FARP1: variants seen among roughly 807,000 people sequenced by gnomAD.
FARP1 encodes FERM, ARH/RhoGEF and pleckstrin domain protein 1.
FARP1 carries 52 observed loss-of-function variants against 128.8 expected under a neutral mutation model. The ratio of observed to expected loss-of-function variants is 0.40; its 90% CI spans 0.32 to 0.51. The LOEUF is 0.51. Among genes scored for constraint, FARP1 ranks in the 20% least tolerant of loss-of-function variants. FARP1 has a pLI of 0.45. For missense variants in FARP1, 1,333 were observed against 1,367.9 expected (o/e 0.97, Z 0.40); for synonymous variants, 580 against 551.8 (o/e 1.05, Z -0.72).
At chr13:98,156,611 T>C (rs1876512884) in intron 1 of FARP1, among the ~76,000 whole-genome samples, 1 of 152,200 alleles carries the variant, frequency 6.6e-6, no homozygotes, top group Admixed American at 6.6e-5. Flanking sequence ...CTTTGCTTTG[T>C]TGCCCAGGCT....
chr13:98,295,659 A>G (rs1012730497), intron 2 of FARP1, among the ~76,000 whole-genome samples: 4 of 152,208 alleles, frequency 2.6e-5, no homozygotes, highest in Non-Finnish European at 4.4e-5. Flanking sequence ...GAATGGTTCA[A>G]ATAATAAAGA....
chr13:98,236,306 C>T (rs1304338442), intron 2 of FARP1, among the ~76,000 whole-genome samples: 4 of 152,078 alleles, frequency 2.6e-5, no homozygotes, highest in African/African-American at 9.7e-5. Context: ...TGAAAACTTA[C>T]GAAAAAGAAC....
chr13:98,423,901 T>G (rs1314994005), intron 16 of FARP1, among the ~76,000 whole-genome samples: 1 of 152,230 alleles, frequency 6.6e-6, no homozygotes, highest in African/African-American at 2.4e-5. Context: ...TCACTGAAAG[T>G]GCCCACAGCT....
In FARP1 at chr13:98,244,486, C is replaced by G. The variant is rs747894213; in HGVS notation, c.171+31073C>G. 6.2e-6 allele frequency: 10 copies of G among 1,613,754 alleles called. No homozygotes were observed. The East Asian group carries it at 2.2e-4, about 36-fold the overall frequency. On this transcript the variant is annotated intron_variant, in intron 2 of 26. Coordinates refer to ENST00000319562, the MANE Select transcript of FARP1 (RefSeq NM_005766.4). ...GGAGTAGCATTTGCTCTCCTCTCTTCCCAGATGGTGTCCTCATCCTCCTTC... is the reference window on the plus strand; with the variant it reads ...GGAGTAGCATTTGCTCTCCTCTCTTGCCAGATGGTGTCCTCATCCTCCTTC...
At chr13:98,256,193 A>G (rs930753863) in intron 2 of FARP1, among the ~76,000 whole-genome samples, 1 of 152,238 alleles carries the variant, frequency 6.6e-6, no homozygotes, top group Non-Finnish European at 1.5e-5. Context: ...CATTCTATAC[A>G]GGTATTAAAA....
chr13:98,351,522 G>A (rs1888422349), intron 3 of FARP1, among the ~76,000 whole-genome samples: 1 of 151,106 alleles, frequency 6.6e-6, no homozygotes, highest in African/African-American at 2.4e-5. Context: ...TGAGGCAGGA[G>A]AATGGCGTGA....
intron 1 of FARP1, among the ~76,000 whole-genome samples, chr13:98,150,131 C>T (rs969325973): frequency 2.6e-5 from 4 of 151,938 alleles, no homozygotes; most frequent in African/African-American, 9.7e-5. Context: ...CTCTGCCTCC[C>T]AGGTTCAAGT....
chr13:98,350,173 C>T (rs1167330585), intron 3 of FARP1, among the ~76,000 whole-genome samples: 5 of 152,050 alleles, frequency 3.3e-5, no homozygotes, highest in African/African-American at 1.2e-4. Flanking sequence ...CAGGCAGGTC[C>T]CCAGAGGAGG....
intron 3 of FARP1, among the ~76,000 whole-genome samples, chr13:98,358,698 C>T (rs144330034): frequency 0.014 from 2,088 of 152,046 alleles, 30 homozygotes; most frequent in Non-Finnish European, 0.017. Context: ...TGCAATGGCG[C>T]GATCTTGGCT....
intron 1 of FARP1, among the ~76,000 whole-genome samples, chr13:98,207,039 T>A (rs1880315768): frequency 6.6e-6 from 1 of 152,244 alleles, no homozygotes; most frequent in Admixed American, 6.5e-5. Context: ...CCAGTTTTGC[T>A]ATCAAGCATC....
intron 1 of FARP1, among the ~76,000 whole-genome samples, chr13:98,152,862 T>A (rs1387059556): frequency 6.6e-6 from 1 of 152,132 alleles, no homozygotes; most frequent in African/African-American, 2.4e-5. Context: ...TGCAACTGAG[T>A]CTACATGAAT....
At chr13:98,227,463 A>C (rs1411610590) in intron 2 of FARP1, among the ~76,000 whole-genome samples, 2 of 151,958 alleles carry the variant, frequency 1.3e-5, no homozygotes, top group African/African-American at 4.8e-5. Flanking sequence ...AAAAAAAAAA[A>C]AACAGAAAAA....
rs757329640 is a variant in FARP1 at position 98,377,832 on chromosome 13, C to T, written c.410C>T (p.Ala137Val). Residue 137 changes from alanine (A) to valine (V), a missense_variant, in exon 6 of 27, where the codon GCG becomes GTG. Coordinates refer to ENST00000319562, the MANE Select transcript of FARP1 (RefSeq NM_005766.4). ...GTTGATCTTCGCAGGTACCTGTTCG[C>T]GCTGCAGGTGAAGCAGGACTTGGCT... ...LQEELTRYLFALQVKQDLAQG... is the reference protein window; with the variant it reads ...LQEELTRYLFVLQVKQDLAQG... 2 of 1,613,482 alleles carry T rather than the reference C, an allele frequency of 1.2e-6. No individual in the cohort carries two copies. Among genetic ancestry groups the T allele is most frequent in the African/African-American group, 1.3e-5 (1 of 74,904 alleles).
At chr13:98,212,866 A>G (rs1017060573) in intron 1 of FARP1, among the ~76,000 whole-genome samples, 6 of 152,196 alleles carry the variant, frequency 3.9e-5, no homozygotes, top group Admixed American at 3.9e-4. Flanking sequence ...ATGGATGCTA[A>G]TGATATGGTT....
intron 20 of FARP1, 46 bp from the exon 21 acceptor site, chr13:98,439,061 G>A (rs1238717741): frequency 1.3e-6 from 2 of 1,515,160 alleles, no homozygotes; most frequent in African/African-American, 1.4e-5. Context: ...AGGGAAGCCT[G>A]CTGTCCAAAC....
rs1466883367 is a variant in FARP1 at position 98,393,684 on chromosome 13, A to G, written c.1130A>G (p.Gln377Arg). 6.2e-7 allele frequency: 1 copy of G among 1,614,168 alleles called. No individual in the cohort carries two copies. The highest frequency in any genetic ancestry group is 2.2e-5 in the East Asian group (1 of 44,880). ...KIHSIRSLAS[Q>R]PTELNSEVLE... Reference sequence around the variant, plus strand: ...CATTCTATCCGGAGCCTTGCTTCACAGCCTACAGAACTGAATTCGGAAGTG... The same window carrying G: ...CATTCTATCCGGAGCCTTGCTTCACGGCCTACAGAACTGAATTCGGAAGTG... Residue 377 changes from glutamine to arginine, a missense_variant, in exon 12 of 27, where the codon CAG becomes CGG. Physicochemically the swap from Gln to Arg is conservative, Grantham distance 43 (BLOSUM62 1). Coordinates refer to ENST00000319562, the MANE Select transcript of FARP1 (RefSeq NM_005766.4).
chr13:98,395,524 A>G (rs1890494711), intron 13 of FARP1, 48 bp downstream of exon 13: 2 of 1,530,572 alleles, frequency 1.3e-6, no homozygotes, highest in Non-Finnish European at 1.8e-6. Flanking sequence ...CATTCCTTTC[A>G]TTGACTGCAG....
chr13:98,443,807 A>G (rs1218439481), intron 24 of FARP1, among the ~76,000 whole-genome samples: 2 of 9,304 alleles, frequency 2.1e-4, no homozygotes, highest in South Asian at 3.5e-3. Context: ...ACGGGACAGC[A>G]GGGAAGTTGT....
chr13:98,168,791 G>C (rs1877455460), intron 1 of FARP1, among the ~76,000 whole-genome samples: 1 of 152,196 alleles, frequency 6.6e-6, no homozygotes, highest in African/African-American at 2.4e-5. Flanking sequence ...TAGAAGATCA[G>C]AAAACAGGAT....
Sources: gnomAD v4.1 joint callset for allele counts (sites outside exome capture counted in the v4.1 genomes callset) on GRCh38, gnomAD v4.1.1 for gene constraint, MANE v1.5 for transcripts, NCBI Gene and HGNC (gene_info 2026-07-23, HGNC 2026-07-21) for gene names.